LOXHD1: variants seen among roughly 807,000 people sequenced by gnomAD.
LOXHD1 encodes the protein lipoxygenase homology PLAT domains 1, also known as lipoxygenase homology domain-containing protein 1.
LOXHD1 carries 205 observed loss-of-function variants against 248.2 expected under a neutral mutation model. The observed-to-expected ratio is 0.83, with a 90% CI of 0.74 to 0.93. LOXHD1 has a LOEUF of 0.93. Ranked by LOEUF, LOXHD1 falls within the 40% of genes least tolerant of loss-of-function variation. The pLI is 0.00. For synonymous variants in LOXHD1, 1,113 were observed against 1,162.8 expected, an observed-to-expected ratio of 0.96 and a Z score of 0.87; for missense variants, 2,930 against 2,971.6, an observed-to-expected ratio of 0.99 and a Z score of 0.33.
chr18:46,642,534 G>T (rs1165844520), intron 2 of LOXHD1, among the ~76,000 whole-genome samples: 1 of 152,208 alleles, frequency 6.6e-6, no homozygotes, highest in Non-Finnish European at 1.5e-5. Context: ...GCAGTCCATG[G>T]TCCTGCCATT....
At chr18:46,552,974 G>T (rs1364218218) in intron 21 of LOXHD1, among the ~76,000 whole-genome samples, 1 of 152,078 alleles carries the variant, frequency 6.6e-6, no homozygotes, top group Non-Finnish European at 1.5e-5. Context: ...ACCAAACAAG[G>T]CTGCTGCTCA....
chr18:46,528,595 G>A (rs978163959), intron 29 of LOXHD1, among the ~76,000 whole-genome samples: 3 of 152,136 alleles, frequency 2.0e-5, no homozygotes, highest in African/African-American at 7.2e-5. Flanking sequence ...GGATCCACCT[G>A]GGAGGGAGTG....
Position 46,529,251 on chromosome 18 carries a change from C to T in LOXHD1, c.4456G>A (p.Gly1486Arg), listed in dbSNP as rs2035958104. The change falls in exon 29 of 41, where the codon GGA (glycine) becomes AGA (arginine). Residue 1486 changes from glycine to arginine, a missense_variant. Gly to Arg is a moderately radical substitution (Grantham distance 125). Transcript: ENST00000642948. ...TDAKVYITIY[G>R]DLGDTGERYL... Reference sequence around the variant, plus strand: ...CGCTCCCCAGTGTCCCCGAGGTCTCCATAGATGGTGATGTACACCTTGGCA... The same window carrying T: ...CGCTCCCCAGTGTCCCCGAGGTCTCTATAGATGGTGATGTACACCTTGGCA... 1 of 1,551,628 alleles carries T rather than the reference C, an allele frequency of 6.4e-7. No homozygotes were observed. Among genetic ancestry groups the T allele is most frequent in the Admixed American group, 2.0e-5 (1 of 50,988 alleles).
Position 46,488,960 on chromosome 18 carries a change from T to TC in LOXHD1, c.6049+11dup. ...CTGCCTCCCTCCTGAGCCAATGATC[T>TC]CCCCCACATACTGGTCTCTTCCAGC... On this transcript the variant is annotated intron_variant, in intron 38 of 40. Transcript: ENST00000642948. The TC allele has an allele frequency of 6.5e-7, 1 of 1,546,532 alleles. No individual in the cohort carries two copies. Among genetic ancestry groups the TC allele is most frequent in the Non-Finnish European group, 8.8e-7 (1 of 1,142,588 alleles).
intron 26 of LOXHD1, among the ~76,000 whole-genome samples, 175 bp downstream of exon 26, chr18:46,537,981 T>C (rs1247432925): frequency 6.6e-6 from 1 of 152,198 alleles, no homozygotes; most frequent in African/African-American, 2.4e-5. Flanking sequence ...AGCTTCACCA[T>C]TCCCCTGGTT....
chr18:46,588,238 A>G (rs2038098405), intron 12 of LOXHD1, among the ~76,000 whole-genome samples: 1 of 152,088 alleles, frequency 6.6e-6, no homozygotes, highest in Non-Finnish European at 1.5e-5. Context: ...TGTGGGCCAT[A>G]AAGAGCAGTT....
rs886053836 is a variant in LOXHD1 at position 46,577,802 on chromosome 18, A to G, written c.1875T>C (p.Asp625=). The change falls in exon 14 of 41, where the codon GAT becomes GAC. Residue 625 remains aspartate (D), a synonymous_variant. Coordinates refer to ENST00000642948, the MANE Select transcript of LOXHD1 (RefSeq NM_001384474.1). ...RNVRRVRIRH[D]GKGSGSGWYL... Reference sequence around the variant, plus strand: ...ACCAGCCGCTGCCGGAGCCTTTGCCATCGTGTCTGATCCTCACCCGCCTCA... The same window carrying G: ...ACCAGCCGCTGCCGGAGCCTTTGCCGTCGTGTCTGATCCTCACCCGCCTCA... 1 of 1,551,644 alleles carries G rather than the reference A, an allele frequency of 6.4e-7. No individual in the cohort carries two copies. The highest frequency in any genetic ancestry group is 8.7e-7 in the Non-Finnish European group (1 of 1,146,974).
At chr18:46,499,716 A>C (rs1401439263) in intron 37 of LOXHD1, among the ~76,000 whole-genome samples, 1 of 152,056 alleles carries the variant, frequency 6.6e-6, no homozygotes, top group Non-Finnish European at 1.5e-5. Flanking sequence ...ATTTTTGTCT[A>C]ACAAACATAA....
intron 40 of LOXHD1, among the ~76,000 whole-genome samples, chr18:46,481,864 G>A (rs139855038): frequency 2.1e-3 from 318 of 152,338 alleles, no homozygotes; most frequent in African/African-American, 7.5e-3. Context: ...GAAGGTGCCA[G>A]GTGGTGCTGA....
chr18:46,510,375 T>A (rs1315115941), intron 34 of LOXHD1, among the ~76,000 whole-genome samples: 2 of 152,244 alleles, frequency 1.3e-5, no homozygotes, highest in East Asian at 1.9e-4. Context: ...GTAATGCTAC[T>A]GCCAACTGTA....
At chr18:46,612,895 A>T (rs1488235305) in intron 5 of LOXHD1, among the ~76,000 whole-genome samples, 1 of 152,086 alleles carries the variant, frequency 6.6e-6, no homozygotes, top group Admixed American at 6.5e-5. Flanking sequence ...TGCCAACTCT[A>T]TGTGTGCTTC....
At chr18:46,562,159 T>A (rs1042277693) in intron 18 of LOXHD1, among the ~76,000 whole-genome samples, 9 of 152,214 alleles carry the variant, frequency 5.9e-5, no homozygotes, top group African/African-American at 1.7e-4. Flanking sequence ...GTCCTCTGCC[T>A]CCTCAGCAGT....
chr18:46,626,691 G>T (rs531127063), intron 4 of LOXHD1, among the ~76,000 whole-genome samples: 16 of 152,126 alleles, frequency 1.1e-4, no homozygotes, highest in Non-Finnish European at 1.9e-4. Context: ...TTTAAAGAAT[G>T]GGAAGGAAAT....
intron 8 of LOXHD1, among the ~76,000 whole-genome samples, chr18:46,594,925 T>C (rs1299721243): frequency 6.6e-6 from 1 of 152,176 alleles, no homozygotes; most frequent in Non-Finnish European, 1.5e-5. Context: ...CTCTTATACC[T>C]TCTCTATCTC....
chr18:46,547,200 T>G, intron 21 of LOXHD1, 142 bp from the exon 22 acceptor site: 1 of 964,238 alleles, frequency 1.0e-6, no homozygotes, highest in Admixed American at 2.2e-5. Flanking sequence ...CCTGCTATTC[T>G]ACCCAGCCTG....
intron 1 of LOXHD1, among the ~76,000 whole-genome samples, chr18:46,651,168 G>A (rs2039106003): frequency 6.6e-6 from 1 of 152,164 alleles, no homozygotes; most frequent in Non-Finnish European, 1.5e-5. Flanking sequence ...TCATTCTCAT[G>A]TGGTCCTTAC....
Position 46,500,344 on chromosome 18 carries a change from C to T in LOXHD1, c.5878+5494G>A, listed in dbSNP as rs747678683. On this transcript the variant is annotated intron_variant, in intron 37 of 40. Transcript: ENST00000642948. ...CTGTTACTGGACATCACAGATGTCA[C>T]TCAGGCCTTCAAATTAAACTCATCA... is the stretch of plus-strand genomic sequence containing the variant. Among the ~76,000 whole-genome samples, 8 of 152,304 alleles carry T rather than the reference C, an allele frequency of 5.3e-5. No individual in the cohort carries two copies. In the South Asian group the frequency reaches 6.2e-4, roughly 12 times the overall value.
At chr18:46,490,885 C>T (rs1417345300) in intron 37 of LOXHD1, among the ~76,000 whole-genome samples, 1 of 152,238 alleles carries the variant, frequency 6.6e-6, no homozygotes, top group African/African-American at 2.4e-5. Flanking sequence ...TTCTGAGATG[C>T]TTCCTGATAG....
intron 6 of LOXHD1, among the ~76,000 whole-genome samples, chr18:46,608,373 C>T (rs1429365182): frequency 2.6e-5 from 4 of 152,180 alleles, no homozygotes; most frequent in Non-Finnish European, 4.4e-5. Flanking sequence ...ATGAACCTGC[C>T]TCCTTGGGGA....
Sources: gnomAD v4.1 joint callset for allele counts (sites outside exome capture counted in the v4.1 genomes callset) on GRCh38, gnomAD v4.1.1 for gene constraint, MANE v1.5 for transcripts, NCBI Gene and HGNC (gene_info 2026-07-23, HGNC 2026-07-21) for gene names.